CNOT2: variants seen among roughly 807,000 people sequenced by gnomAD.
CNOT2 encodes CC chemokine receptor 4-negative regulator of transcription 2.
A neutral mutation model predicts 72.1 loss-of-function variants in CNOT2; 7 were observed. That is an observed-to-expected ratio of 0.10 (90% CI 0.06 to 0.18). CNOT2 has a LOEUF of 0.18. Among genes scored for constraint, CNOT2 ranks in the 10% least tolerant of loss-of-function variants. The pLI is 1.00. For synonymous variants in CNOT2, 196 were observed against 225.6 expected (o/e 0.87, Z 1.17); for missense variants, 345 against 660.3 (o/e 0.52, Z 5.23).
chr12:70,244,887 A>G (rs979131292), intron 1 of CNOT2, among the ~76,000 whole-genome samples: 3 of 152,236 alleles, frequency 2.0e-5, no homozygotes, highest in Non-Finnish European at 4.4e-5. Flanking sequence ...GCTCGGAATC[A>G]TAAGTGTGAC....
At chr12:70,330,016 G>GA (rs1879692006) in intron 5 of CNOT2, among the ~76,000 whole-genome samples, 1 of 151,956 alleles carries the variant, frequency 6.6e-6, no homozygotes, top group Non-Finnish European at 1.5e-5. Flanking sequence ...CTAAATATGT[G>GA]TGTGAAATAC....
At chr12:70,290,921 G>C (rs1445074980) in intron 2 of CNOT2, 2 of 152,056 alleles carry the variant, frequency 1.3e-5, no homozygotes, top group African/African-American at 2.4e-5. Context: ...GATAAGGCTT[G>C]GATGCTTTCT....
intron 2 of CNOT2, among the ~76,000 whole-genome samples, chr12:70,306,155 A>T (rs527468938): frequency 3.0e-4 from 46 of 151,784 alleles, no homozygotes; most frequent in Middle Eastern, 3.4e-3. Context: ...TTTTTAATTT[A>T]ATTTTATTTT....
intron 4 of CNOT2, among the ~76,000 whole-genome samples, chr12:70,327,175 ATGTT>A (rs919950952): frequency 6.9e-4 from 105 of 151,964 alleles, no homozygotes; most frequent in African/African-American, 2.4e-3. Context: ...TGGAAAGTGT[ATGTT>A]TGTTTATGGT....
At chr12:70,258,306 T>TA (rs143154236) in intron 1 of CNOT2, among the ~76,000 whole-genome samples, 1,554 of 152,278 alleles carry the variant, frequency 0.01, 24 homozygotes, top group Admixed American at 0.041. Context: ...TGGATAAACT[T>TA]ACGGTGAAAA....
chr12:70,292,483 G>A (rs1055607264), intron 2 of CNOT2, among the ~76,000 whole-genome samples: 2 of 152,206 alleles, frequency 1.3e-5, no homozygotes, highest in Non-Finnish European at 1.5e-5. Flanking sequence ...GAAGTAGGAA[G>A]CCATCTGGAT....
At chr12:70,344,276 C>T in intron 14 of CNOT2, 48 bp downstream of exon 14, 1 of 1,175,334 alleles carries the variant, frequency 8.5e-7, no homozygotes, top group Non-Finnish European at 1.3e-6. Flanking sequence ...TGGATCTTGA[C>T]TATGCTGAAA....
chr12:70,330,016 G>A (rs552250408), intron 5 of CNOT2, among the ~76,000 whole-genome samples: 4 of 151,956 alleles, frequency 2.6e-5, no homozygotes, highest in African/African-American at 9.7e-5. Context: ...CTAAATATGT[G>A]TGTGAAATAC....
intron 4 of CNOT2, among the ~76,000 whole-genome samples, chr12:70,324,868 T>G (rs1878840061): frequency 6.6e-6 from 1 of 151,830 alleles, no homozygotes; most frequent in African/African-American, 2.4e-5. Flanking sequence ...TATACCCACC[T>G]GACTCCCCAC....
chr12:70,333,874 A>G (rs74768022), intron 7 of CNOT2, among the ~76,000 whole-genome samples: 21,942 of 151,980 alleles, frequency 0.14, 1,924 homozygotes, highest in Admixed American at 0.28. Context: ...ATCAGGCTAC[A>G]TCTGCATATC....
intron 11 of CNOT2, among the ~76,000 whole-genome samples, chr12:70,340,476 G>A (rs1427884936): frequency 5.9e-5 from 9 of 151,962 alleles, no homozygotes; most frequent in African/African-American, 1.2e-4. Context: ...CCACACTTCT[G>A]AGTTTGAGAT....
chr12:70,266,886 T>C (rs1959074097), intron 1 of CNOT2, among the ~76,000 whole-genome samples: 1 of 152,118 alleles, frequency 6.6e-6, no homozygotes, highest in Non-Finnish European at 1.5e-5. Flanking sequence ...TCTTTTGGAC[T>C]ATCTATATCT....
intron 2 of CNOT2, chr12:70,290,606 A>G (rs1034700589): frequency 5.9e-5 from 9 of 151,998 alleles, no homozygotes; most frequent in African/African-American, 2.2e-4. Context: ...TCCATTTTCA[A>G]GTTGTTTTAG....
intron 13 of CNOT2, chr12:70,343,818 T>A (rs7311497): frequency 0.2 from 45,600 of 224,834 alleles, 5,770 homozygotes; most frequent in Admixed American, 0.36. Context: ...TATTGTTAGG[T>A]TCTTTTCCCC....
intron 1 of CNOT2, among the ~76,000 whole-genome samples, chr12:70,268,257 C>G (rs1959143862): frequency 6.6e-6 from 1 of 152,108 alleles, no homozygotes; most frequent in South Asian, 2.1e-4. Context: ...GGACAGTTCT[C>G]TCGGTAGCAA....
intron 4 of CNOT2, chr12:70,327,572 C>G (rs1879282715): frequency 6.6e-6 from 1 of 151,640 alleles, no homozygotes; most frequent in South Asian, 2.1e-4. Context: ...ACTAGGTGAT[C>G]TTTAAGATCC....
chr12:70,332,903 A>G, intron 7 of CNOT2, 57 bp downstream of exon 7: 3 of 1,500,998 alleles, frequency 2.0e-6, no homozygotes, highest in Non-Finnish European at 2.7e-6. Context: ...TATGAAATAT[A>G]AAGCAATTCA....
intron 2 of CNOT2, among the ~76,000 whole-genome samples, chr12:70,303,700 G>A (rs182323523): frequency 2.0e-4 from 30 of 152,122 alleles, no homozygotes; most frequent in Admixed American, 5.9e-4. Context: ...GTGTCTTGGC[G>A]TTGCTCTTCT....
At chr12:70,288,813 A>C (rs1173279871) in intron 2 of CNOT2, among the ~76,000 whole-genome samples, 2 of 152,122 alleles carry the variant, frequency 1.3e-5, no homozygotes, top group Admixed American at 6.5e-5. Flanking sequence ...CTCAGCTGAA[A>C]TCTCACTTCC....
Sources: allele counts gnomAD v4.1 joint callset (sites outside exome capture counted in the v4.1 genomes callset), GRCh38; gene constraint gnomAD v4.1.1; transcripts MANE v1.5; gene names NCBI Gene and HGNC (gene_info 2026-07-23, HGNC 2026-07-21).